WDFY2: variants seen among roughly 807,000 people sequenced by gnomAD.
WDFY2 encodes the protein WD repeat and FYVE domain containing 2.
In WDFY2, 36 loss-of-function variants were observed where a neutral mutation model predicts 56.4. The observed-to-expected ratio is 0.64, with a 90% CI of 0.49 to 0.84. WDFY2 has a LOEUF of 0.84. Among genes scored for constraint, WDFY2 ranks in the 40% least tolerant of loss-of-function variants. The pLI is 0.00. For synonymous variants in WDFY2, 176 were observed against 183.7 expected (o/e 0.96, Z 0.34); for missense variants, 444 against 512.2 (o/e 0.87, Z 1.29).
intron 1 of WDFY2, among the ~76,000 whole-genome samples, chr13:51,658,488 G>A (rs1955553458): frequency 1.3e-5 from 2 of 152,162 alleles, no homozygotes; most frequent in South Asian, 2.1e-4. Flanking sequence ...AACATGAGCC[G>A]CAATCTCCAT....
chr13:51,718,148 G>A (rs1029480630), intron 4 of WDFY2, among the ~76,000 whole-genome samples: 1 of 152,196 alleles, frequency 6.6e-6, no homozygotes, highest in African/African-American at 2.4e-5. Context: ...TGTGAAACCA[G>A]TGTCTTCTCT....
At chr13:51,758,387 A>G in intron 11 of WDFY2, 87 bp downstream of exon 11, 1 of 995,820 alleles carries the variant, frequency 1.0e-6, no homozygotes, top group Non-Finnish European at 1.5e-6. Context: ...GCACTGTTCT[A>G]AAGGTTATCC....
intron 4 of WDFY2, among the ~76,000 whole-genome samples, chr13:51,707,548 A>AT (rs1952109598): frequency 6.6e-6 from 1 of 152,142 alleles, no homozygotes; most frequent in Non-Finnish European, 1.5e-5. Flanking sequence ...TAAAATAAGC[A>AT]TTTTTTTGGA....
chr13:51,763,979 T>C lies in WDFY2; in HGVS notation c.*4210T>C, dbSNP rs1352109471. The C allele has an allele frequency of 6.6e-6, 1 of 152,228 alleles. No individual in the cohort carries two copies. The highest frequency in any genetic ancestry group is 1.5e-5 in the Non-Finnish European group (1 of 68,032). The allele number at this position is 152,228 out of a possible 1,614,324, so 9.4% of individuals were successfully genotyped here. Reference sequence around the variant, plus strand: ...AATTTTAATTCTATGTCAGTGTTCTTGTTCACTAAGATATTTCGAAGTGAG... The same window carrying C: ...AATTTTAATTCTATGTCAGTGTTCTCGTTCACTAAGATATTTCGAAGTGAG... On this transcript the variant is annotated 3_prime_UTR_variant, in exon 12 of 12. Coordinates refer to ENST00000298125, the MANE Select transcript of WDFY2 (RefSeq NM_052950.4).
chr13:51,614,319 G>A (rs1954566774), intron 1 of WDFY2, among the ~76,000 whole-genome samples: 1 of 152,074 alleles, frequency 6.6e-6, no homozygotes, highest in African/African-American at 2.4e-5. Flanking sequence ...ATATGAAGAT[G>A]TTGAGTGAAC....
intron 2 of WDFY2, among the ~76,000 whole-genome samples, chr13:51,673,286 G>T (rs893219180): frequency 2.0e-5 from 3 of 152,118 alleles, no homozygotes; most frequent in Non-Finnish European, 4.4e-5. Context: ...TAGCATAACC[G>T]GATATGGACT....
rs1406216042 is a variant in WDFY2, at chr13:51,764,059, T to C, written c.*4290T>C. 4.6e-5 allele frequency: 7 copies of C among 152,242 alleles called. No homozygotes were observed. Among genetic ancestry groups the C allele is most frequent in the African/African-American group, 1.2e-4 (5 of 41,460 alleles). The allele number at this position is 152,242 out of a possible 1,614,324, so 9.4% of individuals were successfully genotyped here. ...TTTTCTCCTTTAAAATAATATTGAA[T>C]TTTTCCTGGTACGAAGACAGATATT... On this transcript the variant is annotated 3_prime_UTR_variant, in exon 12 of 12. Coordinates refer to ENST00000298125, the MANE Select transcript of WDFY2 (RefSeq NM_052950.4).
chr13:51,745,161 G>C (rs542859247), intron 7 of WDFY2, among the ~76,000 whole-genome samples: 125 of 152,248 alleles, frequency 8.2e-4, no homozygotes, highest in African/African-American at 2.9e-3. Context: ...ATAGAGTTAC[G>C]AGTCTGTGCA....
chr13:51,699,526 A>T (rs375138811), intron 3 of WDFY2, among the ~76,000 whole-genome samples: 1 of 152,244 alleles, frequency 6.6e-6, no homozygotes, highest in Non-Finnish European at 1.5e-5. Flanking sequence ...AGGCTACAGC[A>T]GAATTTGAAC....
Position 51,760,415 on chromosome 13 carries a change from CTG to C in WDFY2, c.*650_*651del, listed in dbSNP as rs973169055. 1 of 152,064 alleles carries C rather than the reference CTG, an allele frequency of 6.6e-6. No homozygotes were observed. The highest frequency in any genetic ancestry group is 2.4e-5 in the African/African-American group (1 of 41,382). 9.4% of individuals were successfully genotyped at this position (152,064 alleles called of 1,614,324 possible). A position where few individuals can be genotyped will look rare whatever the true frequency, so the allele number is the denominator to read the frequency against. Reference sequence around the variant, plus strand: ...TCACGTTCTTATGAAGTAGAAAAGACTGTGTTTCTGCCTCAGTTGCCTCTGTC... The same window carrying C: ...TCACGTTCTTATGAAGTAGAAAAGACTGTTTCTGCCTCAGTTGCCTCTGTC... On this transcript the variant is annotated 3_prime_UTR_variant, in exon 12 of 12. Transcript: ENST00000298125.
chr13:51,757,801 A>G (rs1459260135), intron 10 of WDFY2, among the ~76,000 whole-genome samples: 1 of 151,682 alleles, frequency 6.6e-6, no homozygotes, highest in Non-Finnish European at 1.5e-5. Flanking sequence ...GACACTTAGT[A>G]ATATCATGGG....
chr13:51,590,764 A>C (rs1954027454), intron 1 of WDFY2: 1 of 151,474 alleles, frequency 6.6e-6, no homozygotes, highest in African/African-American at 2.4e-5. Context: ...CTAACAGAGA[A>C]AAAAAAAACA....
chr13:51,675,069 A>G, intron 2 of WDFY2, 101 bp from the exon 3 acceptor site: 1 of 973,178 alleles, frequency 1.0e-6, no homozygotes, highest in Non-Finnish European at 1.6e-6. Flanking sequence ...TCCAGGAGAT[A>G]GTGGGGAAAG....
At chr13:51,623,656 ATCAG>A (rs1234440738) in intron 1 of WDFY2, among the ~76,000 whole-genome samples, 1 of 152,182 alleles carries the variant, frequency 6.6e-6, no homozygotes, top group Non-Finnish European at 1.5e-5. Flanking sequence ...TCATCATTCT[ATCAG>A]TCAGTACCAT....
At chr13:51,722,280 T>G (rs1415213746) in intron 5 of WDFY2, among the ~76,000 whole-genome samples, 1 of 152,094 alleles carries the variant, frequency 6.6e-6, no homozygotes, top group Non-Finnish European at 1.5e-5. Flanking sequence ...TTTATTCCTC[T>G]TCTTTCAGGC....
chr13:51,610,641 G>T (rs1184034885), intron 1 of WDFY2, among the ~76,000 whole-genome samples: 1 of 152,150 alleles, frequency 6.6e-6, no homozygotes, highest in African/African-American at 2.4e-5. Flanking sequence ...ACATTTACTT[G>T]TAAGACTCCC....
At chr13:51,744,557 C>G (rs1455309604) in intron 7 of WDFY2, among the ~76,000 whole-genome samples, 1 of 152,198 alleles carries the variant, frequency 6.6e-6, no homozygotes, top group African/African-American at 2.4e-5. Flanking sequence ...TCATTTTGCA[C>G]TAGTCCCTCC....
chr13:51,755,583 C>T (rs1267786916), intron 9 of WDFY2, 124 bp downstream of exon 9: 18 of 843,546 alleles, frequency 2.1e-5, no homozygotes, highest in Non-Finnish European at 3.4e-5. Context: ...CCTGGAGTCA[C>T]CTCGTGATTG....
At chr13:51,749,460 A>T (rs922331606) in intron 7 of WDFY2, among the ~76,000 whole-genome samples, 1 of 152,290 alleles carries the variant, frequency 6.6e-6, no homozygotes, top group Non-Finnish European at 1.5e-5. Context: ...AATTAACCAG[A>T]GAAACTAATT....
Sources: allele counts gnomAD v4.1 joint callset (sites outside exome capture counted in the v4.1 genomes callset), GRCh38; gene constraint gnomAD v4.1.1; transcripts MANE v1.5; gene names NCBI Gene and HGNC (gene_info 2026-07-23, HGNC 2026-07-21).